DLC1: variants seen among roughly 807,000 people sequenced by gnomAD.
DLC1 encodes the protein DLC1 Rho GTPase activating protein, also known as rho GTPase-activating protein 7.
DLC1 carries 54 observed loss-of-function variants against 140.3 expected under a neutral mutation model. The ratio of observed to expected loss-of-function variants is 0.38; its 90% confidence interval spans 0.31 to 0.48. The LOEUF is 0.48. Ranked by LOEUF, DLC1 falls within the 20% of genes least tolerant of loss-of-function variation. DLC1 has a pLI of 0.96. For missense variants in DLC1, 2,536 were observed against 1,907.0 expected, an observed-to-expected ratio of 1.33 and a Z score of -6.14; for synonymous variants, 986 against 728.1, an observed-to-expected ratio of 1.35 and a Z score of -5.70.
intron 2 of DLC1, among the ~76,000 whole-genome samples, chr8:13,437,805 A>C (rs777003980): frequency 6.6e-6 from 1 of 152,146 alleles, no homozygotes; most frequent in Non-Finnish European, 1.5e-5. Context: ...TGGAGTACAA[A>C]TTGATTCAAA....
intron 5 of DLC1, among the ~76,000 whole-genome samples, chr8:13,272,556 T>C (rs759967826): frequency 1.2e-4 from 19 of 152,122 alleles, no homozygotes; most frequent in Non-Finnish European, 1.9e-4. Flanking sequence ...GTGCACACAA[T>C]ACCTTTAAAA....
intron 5 of DLC1, chr8:13,133,122 C>T: frequency 2.0e-6 from 3 of 1,464,040 alleles, no homozygotes; most frequent in South Asian, 1.4e-5. Flanking sequence ...CCGCTCCCTG[C>T]CCCTCGTCAC....
rs756165020 is a variant in DLC1, at chr8:13,100,023, C to T, written c.2314G>A (p.Val772Met). 2.5e-6 allele frequency: 4 copies of T among 1,612,822 alleles called. No individual in the cohort carries two copies. The Admixed American group carries it at 5.0e-5, about 20-fold the overall frequency. Residue 772 changes from valine (V) to methionine (M), a missense_variant, in exon 9 of 18, where the codon GTG becomes ATG. Physicochemically the swap from Val to Met is conservative, Grantham distance 21 (BLOSUM62 1). Transcript: ENST00000276297. ...TRSLSACNKR[V>M]GMYLEGFDPF... The stretch of plus-strand genomic sequence containing the variant: ...TCGAAGCCCTCTAAGTACATGCCCA[C>T]CCGCTTGTTGCACGCACTGAGGCTC...
intron 4 of DLC1, 88 bp from the exon 5 acceptor site, chr8:13,305,390 C>A: frequency 7.4e-7 from 1 of 1,355,592 alleles, no homozygotes; most frequent in South Asian, 1.6e-5. Flanking sequence ...TAATTAATGA[C>A]GCAAAAATTA....
intron 14 of DLC1, 86 bp downstream of exon 14, chr8:13,091,232 G>A (rs1328864099): frequency 1.5e-6 from 2 of 1,316,296 alleles, no homozygotes; most frequent in Non-Finnish European, 2.2e-6. Context: ...AGGTCTTCAG[G>A]TAAGACATGA....
intron 4 of DLC1, among the ~76,000 whole-genome samples, chr8:13,344,980 A>G (rs1204179889): frequency 2.0e-5 from 3 of 152,190 alleles, no homozygotes; most frequent in Non-Finnish European, 2.9e-5. Flanking sequence ...CGATAAAAAC[A>G]AGTTATTCTG....
chr8:13,385,413 C>G (rs1477992523), intron 4 of DLC1, among the ~76,000 whole-genome samples: 1 of 152,012 alleles, frequency 6.6e-6, no homozygotes. Flanking sequence ...AGTAGAAAGA[C>G]TAGAGAAACG....
intron 2 of DLC1, among the ~76,000 whole-genome samples, chr8:13,489,714 A>G (rs1036900067): frequency 1.3e-5 from 2 of 152,202 alleles, no homozygotes; most frequent in African/African-American, 2.4e-5. Flanking sequence ...TGTTCTAGGC[A>G]TAGTGAAGAA....
At chr8:13,436,960 A>G (rs767661835) in intron 2 of DLC1, among the ~76,000 whole-genome samples, 3 of 152,210 alleles carry the variant, frequency 2.0e-5, no homozygotes, top group Non-Finnish European at 4.4e-5. Flanking sequence ...GAAAAAATGA[A>G]TCTATAAATA....
intron 5 of DLC1, among the ~76,000 whole-genome samples, chr8:13,259,403 C>T (rs954511133): frequency 1.3e-5 from 2 of 152,038 alleles, no homozygotes; most frequent in Admixed American, 6.6e-5. Context: ...TACAAAAACA[C>T]CCGGACAGAG....
chr8:13,349,327 A>C (rs879513452), intron 4 of DLC1, among the ~76,000 whole-genome samples: 3 of 152,050 alleles, frequency 2.0e-5, no homozygotes, highest in Non-Finnish European at 4.4e-5. Context: ...TTCTGGTTAG[A>C]AATCACAGAA....
At chr8:13,583,742 T>A (rs904408545) in intron 1 of DLC1, 6 of 152,172 alleles carry the variant, frequency 3.9e-5, no homozygotes, top group Non-Finnish European at 7.4e-5. Context: ...TGTTAGAGAG[T>A]CGGTGTCTCT....
At chr8:13,111,625 G>T (rs924668071) in intron 6 of DLC1, among the ~76,000 whole-genome samples, 5 of 152,292 alleles carry the variant, frequency 3.3e-5, no homozygotes, top group African/African-American at 1.2e-4. Flanking sequence ...AAAGGAGAGC[G>T]GAGGTAGCCG....
intron 5 of DLC1, among the ~76,000 whole-genome samples, chr8:13,200,846 A>C (rs1319376592): frequency 6.6e-6 from 1 of 152,020 alleles, no homozygotes; most frequent in East Asian, 1.9e-4. Flanking sequence ...GATCCTCCAG[A>C]CTTGGCCCCC....
At position 13,086,382 on chromosome 8, in the gene DLC1, A is replaced by G. The variant is rs1585557856; in HGVS notation, c.4374T>C (p.Gly1458=). The change falls in exon 17 of 18, where the codon GGT becomes GGC. Residue 1458 remains glycine (G), a synonymous_variant. Coordinates refer to ENST00000276297, the MANE Select transcript of DLC1 (RefSeq NM_182643.3). ...SVDHDRAPVV[G]VRVNVLLSRY... ...TGGACAAGAGCACATTAACCCTCAC[A>G]CCCACCACAGGTGCGCGATCGTGAT... 1 of 1,614,080 alleles carries G rather than the reference A, an allele frequency of 6.2e-7. No individual in the cohort carries two copies. Among genetic ancestry groups the G allele is most frequent in the African/African-American group, 1.3e-5 (1 of 74,926 alleles).
chr8:13,499,855 A>G lies in DLC1; in HGVS notation c.217T>C (p.Phe73Leu), dbSNP rs776587522. 1 of 1,614,074 alleles carries G rather than the reference A, an allele frequency of 6.2e-7. No individual in the cohort carries two copies. Among genetic ancestry groups the G allele is most frequent in the Non-Finnish European group, 8.5e-7 (1 of 1,179,998 alleles). The part of the protein sequence containing the change: ...DCCHGSELRD[F>L]PGRPMGHLSK... ...AGATGACCCATTGGCCTCCCAGGAAAATCTCTCAGCTCTGATCCATGACAG... is the reference window on the plus strand; with the variant it reads ...AGATGACCCATTGGCCTCCCAGGAAGATCTCTCAGCTCTGATCCATGACAG... Residue 73 changes from phenylalanine to leucine, a missense_variant, in exon 2 of 18, where the codon TTT becomes CTT. Transcript: ENST00000276297.
intron 5 of DLC1, among the ~76,000 whole-genome samples, chr8:13,300,820 C>A (rs997901743): frequency 1.3e-5 from 2 of 152,164 alleles, no homozygotes; most frequent in African/African-American, 4.8e-5. Flanking sequence ...CTGACATGAT[C>A]AGGTTATATA....
chr8:13,600,107 C>T (rs1805823511), intron 1 of DLC1, among the ~76,000 whole-genome samples: 1 of 151,772 alleles, frequency 6.6e-6, no homozygotes, highest in Admixed American at 6.6e-5. Flanking sequence ...AAACATGGTC[C>T]CCTTCTTTTA....
intron 2 of DLC1, among the ~76,000 whole-genome samples, chr8:13,411,562 T>C (rs1837786730): frequency 6.6e-6 from 1 of 152,192 alleles, no homozygotes; most frequent in African/African-American, 2.4e-5. Context: ...TACTGACATG[T>C]CATTGTAGAG....
Sources: gnomAD v4.1 joint callset for allele counts (sites outside exome capture counted in the v4.1 genomes callset) on GRCh38, gnomAD v4.1.1 for gene constraint, MANE v1.5 for transcripts, NCBI Gene and HGNC (gene_info 2026-07-23, HGNC 2026-07-21) for gene names.